Variants in FNDC3A observed in about 807,000 individuals in gnomAD.
FNDC3A encodes fibronectin type III domain containing 3A, also known as fibronectin type-III domain-containing protein 3A.
FNDC3A carries 32 observed loss-of-function variants against 148.9 expected under a neutral mutation model. That is an observed-to-expected ratio of 0.21 (90% CI 0.16 to 0.29). FNDC3A has a LOEUF of 0.29. Ranked by LOEUF, FNDC3A falls within the 10% of genes least tolerant of loss-of-function variation. The pLI is 1.00. For missense variants in FNDC3A, 1,191 were observed against 1,452.8 expected (o/e 0.82, Z 2.93); for synonymous variants, 472 against 473.6 (o/e 1.00, Z 0.04).
chr13:49,165,188 CTG>C lies in FNDC3A; in HGVS notation c.978-2054_978-2053del, dbSNP rs560461195. ...TTAAATTTTTGTTTTTGATTGGAAT[CTG>C]TTGCTGGAGGATTATTGTGTTTCTT... On this transcript the variant is annotated intron_variant, in intron 8 of 25. Coordinates refer to ENST00000492622, the MANE Select transcript of FNDC3A (RefSeq NM_001079673.2). Among the ~76,000 whole-genome samples, 333 of 152,180 alleles carry C rather than the reference CTG, an allele frequency of 2.2e-3. 1 individual carries two copies. The highest frequency in any genetic ancestry group is 7.1e-3 in the African/African-American group (294 of 41,524).
At chr13:49,082,567 TC>T (rs1878548223) in intron 3 of FNDC3A, among the ~76,000 whole-genome samples, 1 of 152,110 alleles carries the variant, frequency 6.6e-6, no homozygotes, top group Non-Finnish European at 1.5e-5. Flanking sequence ...CTGTCCTCAT[TC>T]CTTTTCCTTC....
intron 9 of FNDC3A, among the ~76,000 whole-genome samples, chr13:49,168,347 C>A (rs1884583928): frequency 6.6e-6 from 1 of 151,968 alleles, no homozygotes; most frequent in Non-Finnish European, 1.5e-5. Context: ...CAGTGTATTC[C>A]CCATAGTTGA....
At chr13:49,101,562 C>G (rs9568151) in intron 3 of FNDC3A, among the ~76,000 whole-genome samples, 2 of 151,716 alleles carry the variant, frequency 1.3e-5, no homozygotes, top group African/African-American at 4.8e-5. Flanking sequence ...AATCTAACAG[C>G]AGCCTTAATA....
At chr13:49,170,141 C>A (rs2138050681) in intron 10 of FNDC3A, among the ~76,000 whole-genome samples, 1 of 152,162 alleles carries the variant, frequency 6.6e-6, no homozygotes, top group East Asian at 1.9e-4. Context: ...CAGGCTTGAA[C>A]CCTTCTAGAA....
At chr13:49,016,988 CT>C in intron 2 of FNDC3A, among the ~76,000 whole-genome samples, 1 of 151,712 alleles carries the variant, frequency 6.6e-6, no homozygotes, top group East Asian at 1.9e-4. Context: ...AATGTCTGTT[CT>C]TTTACATTTG....
At chr13:48,989,300 C>G (rs899232175) in intron 1 of FNDC3A, among the ~76,000 whole-genome samples, 1 of 152,168 alleles carries the variant, frequency 6.6e-6, no homozygotes, top group African/African-American at 2.4e-5. Context: ...TTAACAGTAT[C>G]TTACATGCAG....
chr13:48,985,569 A>G (rs977872102), intron 1 of FNDC3A, among the ~76,000 whole-genome samples: 1 of 152,232 alleles, frequency 6.6e-6, no homozygotes, highest in African/African-American at 2.4e-5. Context: ...AAAACATGAA[A>G]TAGACATAGA....
chr13:49,201,779 T>A (rs1319067753), intron 23 of FNDC3A, 21 bp from the exon 24 acceptor site: 25 of 1,306,948 alleles, frequency 1.9e-5, no homozygotes, highest in Non-Finnish European at 2.5e-5. Context: ...AAGGTTTATC[T>A]AATAGTTATT....
chr13:49,035,739 A>C (rs1013281785), intron 2 of FNDC3A, among the ~76,000 whole-genome samples: 18 of 152,048 alleles, frequency 1.2e-4, no homozygotes, highest in Non-Finnish European at 1.6e-4. Context: ...AGTGCCTAAC[A>C]TATAGTAGTT....
chr13:49,169,899 G>A (rs1007085784), intron 10 of FNDC3A, among the ~76,000 whole-genome samples: 4 of 152,046 alleles, frequency 2.6e-5, no homozygotes, highest in Non-Finnish European at 2.9e-5. Flanking sequence ...ATTTTATTTC[G>A]TGTCACTTAC....
intron 2 of FNDC3A, among the ~76,000 whole-genome samples, chr13:49,054,652 A>G (rs1320706074): frequency 3.3e-5 from 5 of 152,224 alleles, no homozygotes; most frequent in Non-Finnish European, 7.3e-5. Flanking sequence ...GAAGGCAGAG[A>G]TGGACTCACA....
At chr13:49,028,033 C>T (rs1403399766) in intron 2 of FNDC3A, among the ~76,000 whole-genome samples, 1 of 151,842 alleles carries the variant, frequency 6.6e-6, no homozygotes, top group African/African-American at 2.4e-5. Context: ...ACTAACATGG[C>T]GAAATCCTGT....
chr13:49,206,677 T>G (rs538830967), intron 25 of FNDC3A, among the ~76,000 whole-genome samples: 1 of 152,196 alleles, frequency 6.6e-6, no homozygotes, highest in Non-Finnish European at 1.5e-5. Flanking sequence ...ATATGGAAAT[T>G]TATCAGTTAT....
chr13:49,073,941 A>G (rs1877917692), intron 2 of FNDC3A, among the ~76,000 whole-genome samples: 1 of 151,496 alleles, frequency 6.6e-6, no homozygotes, highest in African/African-American at 2.4e-5. Flanking sequence ...GCTAAGGGAT[A>G]CTCATATTTT....
chr13:49,002,541 C>A (rs971899813), intron 1 of FNDC3A, among the ~76,000 whole-genome samples: 30 of 152,260 alleles, frequency 2.0e-4, no homozygotes, highest in Admixed American at 5.9e-4. Flanking sequence ...AATAGCCCCC[C>A]AGGTCAAGAC....
intron 24 of FNDC3A, among the ~76,000 whole-genome samples, chr13:49,202,790 G>C (rs1886479944): frequency 6.6e-6 from 1 of 152,156 alleles, no homozygotes; most frequent in African/African-American, 2.4e-5. Flanking sequence ...CTCACTTAAG[G>C]CCAGGAGTAT....
intron 3 of FNDC3A, among the ~76,000 whole-genome samples, chr13:49,091,371 G>A (rs1879182032): frequency 6.6e-6 from 1 of 151,836 alleles, no homozygotes; most frequent in South Asian, 2.1e-4. Context: ...TCCTGGGGCT[G>A]TGAAAGAAAA....
intron 4 of FNDC3A, among the ~76,000 whole-genome samples, chr13:49,116,543 C>G (rs767364369): frequency 7.9e-5 from 12 of 152,148 alleles, no homozygotes; most frequent in Non-Finnish European, 1.6e-4. Context: ...GCCTGTAATC[C>G]CAGCTCTTTG....
At chr13:49,104,884 A>G (rs1218891020) in intron 3 of FNDC3A, among the ~76,000 whole-genome samples, 1 of 152,218 alleles carries the variant, frequency 6.6e-6, no homozygotes, top group Non-Finnish European at 1.5e-5. Flanking sequence ...ACTACAGAGT[A>G]GAGAAAGTTT....
Sources: allele counts gnomAD v4.1 joint callset (sites outside exome capture counted in the v4.1 genomes callset), GRCh38; gene constraint gnomAD v4.1.1; transcripts MANE v1.5; gene names NCBI Gene and HGNC (gene_info 2026-07-23, HGNC 2026-07-21).